Variants in NMBR observed in about 807,000 individuals in gnomAD.
NMBR encodes neuromedin B receptor, also known as neuromedin-B receptor.
A neutral mutation model predicts 20.5 loss-of-function variants in NMBR; 16 were observed. The ratio of observed to expected loss-of-function variants is 0.78; its 90% CI spans 0.53 to 1.19. The LOEUF (loss-of-function observed/expected upper bound fraction) is 1.19, where lower values mean the gene tolerates loss of function less well. Ranked by LOEUF, NMBR falls within the 50% of genes most tolerant of loss-of-function variation. The pLI, the probability that NMBR is intolerant of heterozygous loss-of-function variation, is 0.00. For synonymous variants in NMBR, 212 were observed against 196.6 expected, an observed-to-expected ratio of 1.08 and a Z score of -0.65; for missense variants, 582 against 499.1, an observed-to-expected ratio of 1.17 and a Z score of -1.58.
chr6:142,079,183 A>C (rs1777042351), intron 2 of NMBR, among the ~76,000 whole-genome samples: 1 of 151,466 alleles, frequency 6.6e-6, no homozygotes, highest in African/African-American at 2.4e-5. Flanking sequence ...AGGAAAGGGA[A>C]GGAGAAAAGA....
At chr6:142,092,594 T>C (rs765025267) in intron 1 of NMBR, among the ~76,000 whole-genome samples, 3 of 152,142 alleles carry the variant, frequency 2.0e-5, no homozygotes, top group African/African-American at 7.2e-5. Flanking sequence ...TTTTAGACAC[T>C]GGCAGCACAA....
At chr6:142,112,078 C>T (rs1354096162) in intron 1 of NMBR, among the ~76,000 whole-genome samples, 4 of 152,040 alleles carry the variant, frequency 2.6e-5, no homozygotes, top group Non-Finnish European at 5.9e-5. Flanking sequence ...CCTGTAATCC[C>T]AACATTTTGG....
chr6:142,085,057 A>T (rs114563279), intron 2 of NMBR, among the ~76,000 whole-genome samples: 2,085 of 152,316 alleles, frequency 0.014, 58 homozygotes, highest in African/African-American at 0.047. Flanking sequence ...AAAAAATAAT[A>T]AAAAATTGAG....
At chr6:142,119,577 A>G (rs748274966) in intron 1 of NMBR, among the ~76,000 whole-genome samples, 3 of 151,960 alleles carry the variant, frequency 2.0e-5, no homozygotes, top group Non-Finnish European at 4.4e-5. Context: ...CAGCAACAAT[A>G]TAATAATATT....
intron 1 of NMBR, among the ~76,000 whole-genome samples, chr6:142,121,492 C>A (rs528749079): frequency 6.6e-6 from 1 of 151,832 alleles, no homozygotes; most frequent in East Asian, 1.9e-4. Flanking sequence ...AGTGCTACTC[C>A]GATTAATACA....
intron 1 of NMBR, among the ~76,000 whole-genome samples, chr6:142,137,952 C>A (rs1050819895): frequency 4.0e-5 from 6 of 151,414 alleles, no homozygotes; most frequent in Non-Finnish European, 5.9e-5. Context: ...GATTATATTG[C>A]GCATGGGATC....
chr6:142,097,302 G>A (rs1405775675), intron 1 of NMBR, among the ~76,000 whole-genome samples: 1 of 152,100 alleles, frequency 6.6e-6, no homozygotes, highest in Non-Finnish European at 1.5e-5. Flanking sequence ...TTTTTGCAGT[G>A]GCTGGTACCA....
In NMBR at chr6:142,088,120, C is replaced by T; in HGVS notation, c.422+117G>A. ...GTACACACTCTCTCCCTCTCTTCCT[C>T]TCCACACCCAACCTTTCCTTGCGTC... On this transcript the variant is annotated intron_variant, in intron 2 of 3. Transcript: ENST00000258042. 3 of 1,010,586 alleles carry T rather than the reference C, an allele frequency of 3.0e-6. 1 individual carries two copies. The South Asian group carries it at 4.7e-5, about 16-fold the overall frequency. 62.6% of individuals were successfully genotyped at this position (1,010,586 alleles called of 1,614,324 possible).
intron 1 of NMBR, among the ~76,000 whole-genome samples, chr6:142,117,386 A>G (rs1777873862): frequency 6.6e-6 from 1 of 151,944 alleles, no homozygotes; most frequent in South Asian, 2.1e-4. Flanking sequence ...AAATTAGCAC[A>G]TCTCAATACT....
At chr6:142,119,780 G>A (rs1372160215) in intron 1 of NMBR, among the ~76,000 whole-genome samples, 1 of 151,840 alleles carries the variant, frequency 6.6e-6, no homozygotes, top group Non-Finnish European at 1.5e-5. Flanking sequence ...GAAACAAAGA[G>A]TTTCAGAGTC....
chr6:142,139,502 AGC>A (rs1778327823), intron 1 of NMBR, among the ~76,000 whole-genome samples: 1 of 152,146 alleles, frequency 6.6e-6, no homozygotes, highest in Non-Finnish European at 1.5e-5. Context: ...AGATCTCTGG[AGC>A]TCTCTCGCTT....
intron 1 of NMBR, among the ~76,000 whole-genome samples, 166 bp from the exon 2 acceptor site, chr6:142,089,487 T>A (rs1777280165): frequency 6.6e-6 from 1 of 152,248 alleles, no homozygotes; most frequent in African/African-American, 2.4e-5. Flanking sequence ...TATTGAATTA[T>A]AACGTGTATA....
intron 1 of NMBR, among the ~76,000 whole-genome samples, chr6:142,095,951 C>G (rs9484599): frequency 3.3e-5 from 5 of 151,792 alleles, no homozygotes. Context: ...GAGGTGTTTA[C>G]AGTATTCTCT....
chr6:142,096,185 C>T (rs1691007421), intron 1 of NMBR, among the ~76,000 whole-genome samples: 1 of 151,882 alleles, frequency 6.6e-6, no homozygotes, highest in South Asian at 2.1e-4. Context: ...TATTTCTTGC[C>T]TTCTGCTAGC....
chr6:142,126,637 T>C (rs1002425369), intron 1 of NMBR, among the ~76,000 whole-genome samples: 13 of 151,844 alleles, frequency 8.6e-5, no homozygotes, highest in African/African-American at 3.1e-4. Context: ...TTTTGATTTG[T>C]ATTTCCCTGA....
chr6:142,135,828 C>T (rs9484601), intron 1 of NMBR, among the ~76,000 whole-genome samples: 57 of 151,752 alleles, frequency 3.8e-4, no homozygotes, highest in Middle Eastern at 6.8e-3. Flanking sequence ...CATGAACTCA[C>T]CATTTTTTAT....
At chr6:142,080,959 T>C (rs1777081353) in intron 2 of NMBR, among the ~76,000 whole-genome samples, 1 of 152,252 alleles carries the variant, frequency 6.6e-6, no homozygotes, top group African/African-American at 2.4e-5. Flanking sequence ...AGTACTGTTG[T>C]AGTTTACTTG....
chr6:142,088,763 T>C lies in NMBR; in HGVS notation c.-105A>G. 1.9e-6 allele frequency: 2 copies of C among 1,058,366 alleles called. No individual in the cohort carries two copies. Among genetic ancestry groups the C allele is most frequent in the Non-Finnish European group, 2.7e-6 (2 of 746,150 alleles). The allele number at this position is 1,058,366 out of a possible 1,614,324, so 65.6% of individuals were successfully genotyped here. ...AATCGATGTCCCTCCCTCTCGCCCC[T>C]GCAAGTTTACTGTCCGCGGGGCAAG... On this transcript the variant is annotated 5_prime_UTR_variant, in exon 2 of 4. Coordinates refer to ENST00000258042, the MANE Select transcript of NMBR (RefSeq NM_002511.4).
chr6:142,124,846 G>A (rs1239748613), intron 1 of NMBR, among the ~76,000 whole-genome samples: 2 of 151,730 alleles, frequency 1.3e-5, no homozygotes, highest in African/African-American at 4.8e-5. Flanking sequence ...ATGGTTATAA[G>A]AATTAGAATC....
Sources: allele counts gnomAD v4.1 joint callset (sites outside exome capture counted in the v4.1 genomes callset), GRCh38; gene constraint gnomAD v4.1.1; transcripts MANE v1.5; gene names NCBI Gene and HGNC (gene_info 2026-07-23, HGNC 2026-07-21).